The following DOCK1 variants were observed in gnomAD, a reference collection of about 807,000 sequenced individuals.
DOCK1 encodes dedicator of cytokinesis protein 1.
Under a neutral mutation model 262.7 loss-of-function variants are expected in DOCK1, and 138 were observed. The ratio of observed to expected loss-of-function variants is 0.53; its 90% confidence interval spans 0.46 to 0.61. The LOEUF (loss-of-function observed/expected upper bound fraction) is 0.61. Ranked by LOEUF, DOCK1 falls within the 20% of genes least tolerant of loss-of-function variation. The pLI, the probability that DOCK1 is intolerant of heterozygous loss-of-function variation, is 0.00. For synonymous variants in DOCK1, 866 were observed against 867.4 expected, an observed-to-expected ratio of 1.00 and a Z score of 0.03; for missense variants, 1,908 against 2,370.7, an observed-to-expected ratio of 0.80 and a Z score of 4.05.
intron 27 of DOCK1, among the ~76,000 whole-genome samples, chr10:127,174,189 C>T (rs1019807729): frequency 2.0e-5 from 3 of 152,208 alleles, no homozygotes; most frequent in African/African-American, 4.8e-5. Context: ...TTGCTAAACC[C>T]AGGGCTCAGG....
At chr10:127,355,652 T>C (rs1010481384) in intron 32 of DOCK1, among the ~76,000 whole-genome samples, 1 of 152,198 alleles carries the variant, frequency 6.6e-6, no homozygotes, top group Non-Finnish European at 1.5e-5. Flanking sequence ...GAGAATCTTT[T>C]CCTACTAGAA....
chr10:127,420,997 A>G (rs919162815), intron 46 of DOCK1, among the ~76,000 whole-genome samples: 1 of 148,600 alleles, frequency 6.7e-6, no homozygotes, highest in Non-Finnish European at 1.5e-5. Flanking sequence ...GCTTACTGCA[A>G]CCTCCTCCTC....
At chr10:127,061,811 T>G (rs760510988) in intron 23 of DOCK1, 35 bp downstream of exon 23, 11 of 1,498,018 alleles carry the variant, frequency 7.3e-6, no homozygotes, top group Middle Eastern at 1.9e-4. Flanking sequence ...AGACTTCTCC[T>G]TCTTTTTTTC....
intron 29 of DOCK1, among the ~76,000 whole-genome samples, chr10:127,264,671 T>C (rs1283921570): frequency 6.6e-6 from 1 of 152,130 alleles, no homozygotes; most frequent in Non-Finnish European, 1.5e-5. Context: ...TAGATTTTTT[T>C]TTTTTCCAAG....
At position 127,380,132 on chromosome 10, in the gene DOCK1, C is replaced by A; in HGVS notation, c.3716+10C>A. The A allele has an allele frequency of 6.7e-7, 1 of 1,488,684 alleles. No homozygotes were observed. Among genetic ancestry groups the A allele is most frequent in the Non-Finnish European group, 9.1e-7 (1 of 1,104,556 alleles). 92.2% of individuals were successfully genotyped at this position (1,488,684 alleles called of 1,614,324 possible). ...AAGAAATGTATATAAGGTATGTATG[C>A]ATCACGCTTGTCTGCATGTTAATTA... On this transcript the variant is annotated intron_variant, in intron 36 of 51. Coordinates refer to ENST00000623213, the MANE Select transcript of DOCK1 (RefSeq NM_001290223.2).
intron 35 of DOCK1, among the ~76,000 whole-genome samples, 166 bp downstream of exon 35, chr10:127,374,380 C>T (rs1297575701): frequency 6.6e-6 from 1 of 152,074 alleles, no homozygotes; most frequent in African/African-American, 2.4e-5. Flanking sequence ...ATCATGAAGT[C>T]GTCCACTCTG....
chr10:127,409,222 G>A (rs2067701793), intron 41 of DOCK1, 44 bp downstream of exon 41: 1 of 1,612,194 alleles, frequency 6.2e-7, no homozygotes, highest in South Asian at 1.1e-5. Flanking sequence ...CCATGGTGAT[G>A]CCATTCATTT....
At chr10:127,014,059 G>GT (rs1269471413) in intron 12 of DOCK1, among the ~76,000 whole-genome samples, 55 of 152,374 alleles carry the variant, frequency 3.6e-4, no homozygotes, top group African/African-American at 1.2e-3. Context: ...GAACCACTGG[G>GT]TTTTTTCACA....
chr10:126,963,555 C>T (rs1207485535), intron 1 of DOCK1, among the ~76,000 whole-genome samples: 2 of 149,866 alleles, frequency 1.3e-5, no homozygotes, highest in Admixed American at 6.7e-5. Context: ...TCCGTCCTTT[C>T]GCTTCCCTCC....
At chr10:127,142,355 C>G (rs572491871) in intron 27 of DOCK1, among the ~76,000 whole-genome samples, 37 of 152,308 alleles carry the variant, frequency 2.4e-4, no homozygotes, top group African/African-American at 7.5e-4. Flanking sequence ...TCTCCAGCAG[C>G]TCAGGAGGCA....
chr10:127,343,594 T>C (rs2063516332), intron 30 of DOCK1, 52 bp from the exon 31 acceptor site: 1 of 1,365,912 alleles, frequency 7.3e-7, no homozygotes, highest in Admixed American at 2.0e-5. Flanking sequence ...ATTGTTGAGA[T>C]CCTATATCAA....
At chr10:127,139,635 C>G (rs890021523) in intron 27 of DOCK1, among the ~76,000 whole-genome samples, 6 of 152,186 alleles carry the variant, frequency 3.9e-5, no homozygotes, top group Non-Finnish European at 7.3e-5. Flanking sequence ...GAAATCCGGG[C>G]CTCAGTTCCG....
At chr10:126,944,449 G>A (rs979793483) in intron 1 of DOCK1, among the ~76,000 whole-genome samples, 3 of 152,146 alleles carry the variant, frequency 2.0e-5, no homozygotes, top group Non-Finnish European at 4.4e-5. Context: ...AGCAGTTTAC[G>A]CAGTTGGGAG....
intron 1 of DOCK1, among the ~76,000 whole-genome samples, chr10:126,940,918 C>G (rs1450622548): frequency 2.0e-5 from 3 of 152,162 alleles, no homozygotes; most frequent in Non-Finnish European, 2.9e-5. Flanking sequence ...TTATATTGCC[C>G]TGTAACCTCA....
chr10:127,286,782 T>C (rs2466285), intron 29 of DOCK1, among the ~76,000 whole-genome samples: 1 of 152,182 alleles, frequency 6.6e-6, no homozygotes, highest in Admixed American at 6.5e-5. Context: ...CAACTTAGTA[T>C]CTAAACAAGG....
chr10:126,962,365 G>A (rs1202829760), intron 1 of DOCK1, among the ~76,000 whole-genome samples: 1 of 152,180 alleles, frequency 6.6e-6, no homozygotes, highest in East Asian at 1.9e-4. Context: ...CTCCATGTTG[G>A]TCAGGCTGAT....
intron 28 of DOCK1, among the ~76,000 whole-genome samples, chr10:127,255,784 AAGTAATCATC>A (rs2059808443): frequency 1.3e-5 from 2 of 152,222 alleles, no homozygotes; most frequent in Non-Finnish European, 1.5e-5. Context: ...AGGCTTTGAG[AAGTAATCATC>A]AAGAAAGCCA....
chr10:126,963,112 GT>G (rs1352667678), intron 1 of DOCK1, among the ~76,000 whole-genome samples: 1 of 152,136 alleles, frequency 6.6e-6, no homozygotes, highest in African/African-American at 2.4e-5. Context: ...GTACTACACT[GT>G]TTTGATTACT....
At chr10:127,061,412 G>A (rs2045521454) in intron 22 of DOCK1, among the ~76,000 whole-genome samples, 2 of 152,128 alleles carry the variant, frequency 1.3e-5, no homozygotes, top group African/African-American at 4.8e-5. Flanking sequence ...TTTATAAGAT[G>A]TAGTATGTTA....
Sources: gnomAD v4.1 joint callset for allele counts (sites outside exome capture counted in the v4.1 genomes callset) on GRCh38, gnomAD v4.1.1 for gene constraint, MANE v1.5 for transcripts, NCBI Gene and HGNC (gene_info 2026-07-23, HGNC 2026-07-21) for gene names.